Variants in TRPS1 observed in about 807,000 individuals in gnomAD.
TRPS1 encodes zinc finger transcription factor Trps1.
A neutral mutation model predicts 101.2 loss-of-function variants in TRPS1; 6 were observed. The observed-to-expected ratio is 0.06, with a 90% CI of 0.03 to 0.12. The LOEUF is 0.12. Among genes scored for constraint, TRPS1 ranks in the 10% least tolerant of loss-of-function variants. TRPS1 has a pLI of 1.00. For synonymous variants in TRPS1, 578 were observed against 589.8 expected, an observed-to-expected ratio of 0.98 and a Z score of 0.29; for missense variants, 1,363 against 1,567.0, an observed-to-expected ratio of 0.87 and a Z score of 2.20.
chr8:115,645,898 T>C (rs1819013690), intron 1 of TRPS1, among the ~76,000 whole-genome samples: 1 of 152,182 alleles, frequency 6.6e-6, no homozygotes, highest in Non-Finnish European at 1.5e-5. Context: ...ATTTAAGGCA[T>C]GTATTCTACC....
chr8:115,634,023 CA>C (rs111501236), intron 1 of TRPS1, among the ~76,000 whole-genome samples: 115 of 150,632 alleles, frequency 7.6e-4, no homozygotes, highest in African/African-American at 2.5e-3. Flanking sequence ...ACAACAACAA[CA>C]AAAAAAAAGG....
At chr8:115,454,472 C>T (rs1813964674) in intron 5 of TRPS1, among the ~76,000 whole-genome samples, 4 of 152,194 alleles carry the variant, frequency 2.6e-5, no homozygotes. Context: ...CTTTCATCAG[C>T]ATTCACACTA....
chr8:115,535,236 C>CATATATAGTAT, intron 5 of TRPS1, among the ~76,000 whole-genome samples: 1 of 118,554 alleles, frequency 8.4e-6, no homozygotes, highest in African/African-American at 3.4e-5. Flanking sequence ...ATATATATAG[C>CATATATAGTAT]ATATATAGCA....
intron 5 of TRPS1, among the ~76,000 whole-genome samples, chr8:115,582,693 A>G (rs1165781599): frequency 6.6e-6 from 1 of 152,188 alleles, no homozygotes; most frequent in Non-Finnish European, 1.5e-5. Flanking sequence ...CTCAACTTCC[A>G]GAACTTGGAA....
At position 115,587,478 on chromosome 8, in the gene TRPS1, C is replaced by T. The variant is rs199732237; in HGVS notation, c.2223G>A (p.Glu741=). The change falls in exon 5 of 7, where the codon GAG becomes GAA. Residue 741 remains glutamate (E), a synonymous_variant. Transcript: ENST00000395715. The part of the protein sequence containing the change: ...EQDITTANGE[E]DGHAISTIKE... ...TGATGGTGGATATGGCATGACCGTCCTCTTCGCCGTTGGCTGTAGTGATGT... is the reference window on the plus strand; with the variant it reads ...TGATGGTGGATATGGCATGACCGTCTTCTTCGCCGTTGGCTGTAGTGATGT... The T allele has an allele frequency of 9.3e-4, 1,505 of 1,614,024 alleles. No individual in the cohort carries two copies. Among genetic ancestry groups the T allele is most frequent in the Non-Finnish European group, 1.2e-3 (1,458 of 1,180,026 alleles).
chr8:115,532,244 AT>A (rs35571991), intron 5 of TRPS1, among the ~76,000 whole-genome samples: 89,302 of 149,396 alleles, frequency 0.6, 26,946 homozygotes, highest in East Asian at 0.83. Flanking sequence ...ATCAGAGCGC[AT>A]TTTTTTTTTT....
At chr8:115,493,498 C>T (rs1047807887) in intron 5 of TRPS1, among the ~76,000 whole-genome samples, 11 of 151,828 alleles carry the variant, frequency 7.2e-5, no homozygotes, top group African/African-American at 2.2e-4. Context: ...TACACATGTG[C>T]GCCATGACGC....
At chr8:115,657,707 A>T (rs1471005049) in intron 1 of TRPS1, among the ~76,000 whole-genome samples, 1 of 152,216 alleles carries the variant, frequency 6.6e-6, no homozygotes, top group East Asian at 1.9e-4. Context: ...ACTAAAATTG[A>T]CTTTTTTTAA....
intron 1 of TRPS1, among the ~76,000 whole-genome samples, chr8:115,646,119 C>G (rs1743221165): frequency 6.6e-6 from 1 of 152,116 alleles, no homozygotes; most frequent in Non-Finnish European, 1.5e-5. Flanking sequence ...AGATTAGAAA[C>G]AGAACAATCA....
At chr8:115,603,396 C>A (rs1484640144) in intron 4 of TRPS1, among the ~76,000 whole-genome samples, 2 of 152,022 alleles carry the variant, frequency 1.3e-5, no homozygotes, top group Non-Finnish European at 2.9e-5. Context: ...TGTTCAAAGC[C>A]AGAAGAATAT....
At position 115,463,212 on chromosome 8, in the gene TRPS1, C is replaced by T. The variant is rs376860769; in HGVS notation, c.2701-44760G>A. 3.3e-5 allele frequency among the ~76,000 whole-genome samples: 5 copies of T among 152,250 alleles called. No individual in the cohort carries two copies. The East Asian group carries it at 7.7e-4, about 24-fold the overall frequency. On this transcript the variant is annotated intron_variant, in intron 5 of 6. Transcript: ENST00000395715. The stretch of plus-strand genomic sequence containing the variant: ...AAGGTAGGGAATGAATCATGAATCA[C>T]GTCACAGAGCTTAGGTGGAAACTTA...
intron 5 of TRPS1, among the ~76,000 whole-genome samples, chr8:115,510,891 G>T (rs1815566940): frequency 6.6e-6 from 1 of 151,854 alleles, no homozygotes; most frequent in Non-Finnish European, 1.5e-5. Context: ...TCATTCAACT[G>T]AAGAAATAAA....
chr8:115,609,052 G>T (rs1307342982), intron 3 of TRPS1, among the ~76,000 whole-genome samples: 1 of 152,014 alleles, frequency 6.6e-6, no homozygotes, highest in African/African-American at 2.4e-5. Flanking sequence ...TTGCCATGTT[G>T]CCCAGACTGG....
intron 5 of TRPS1, among the ~76,000 whole-genome samples, chr8:115,448,128 C>G (rs917309051): frequency 2.6e-5 from 4 of 152,116 alleles, no homozygotes; most frequent in African/African-American, 9.7e-5. Flanking sequence ...ACAACAACAA[C>G]AACACTTGTG....
intron 5 of TRPS1, among the ~76,000 whole-genome samples, chr8:115,490,383 A>G (rs1324559996): frequency 1.3e-5 from 2 of 152,172 alleles, no homozygotes; most frequent in Admixed American, 1.3e-4. Flanking sequence ...TTCTTTGAAA[A>G]TTATAATCCA....
intron 5 of TRPS1, among the ~76,000 whole-genome samples, chr8:115,575,054 C>T (rs1325939096): frequency 6.6e-6 from 1 of 152,036 alleles, no homozygotes; most frequent in South Asian, 2.1e-4. Context: ...CTATGCTTGC[C>T]AATAAACTCT....
At chr8:115,564,996 G>A (rs573209825) in intron 5 of TRPS1, among the ~76,000 whole-genome samples, 2 of 152,150 alleles carry the variant, frequency 1.3e-5, no homozygotes, top group East Asian at 1.9e-4. Flanking sequence ...TAGGGGCTTC[G>A]AATAAACATG....
chr8:115,546,581 G>GACACACACACAC (rs71287285), intron 5 of TRPS1, among the ~76,000 whole-genome samples: 1,958 of 147,876 alleles, frequency 0.013, 20 homozygotes, highest in South Asian at 0.04. Flanking sequence ...TGTAAAATGT[G>GACACACACACAC]ACACACACAC....
chr8:115,527,684 T>G (rs908588500), intron 5 of TRPS1, among the ~76,000 whole-genome samples: 2 of 152,032 alleles, frequency 1.3e-5, no homozygotes, highest in African/African-American at 4.8e-5. Context: ...AAAATGGTCC[T>G]GAGAAGAAAA....
Sources: allele counts gnomAD v4.1 joint callset (sites outside exome capture counted in the v4.1 genomes callset), GRCh38; gene constraint gnomAD v4.1.1; transcripts MANE v1.5; gene names NCBI Gene and HGNC (gene_info 2026-07-23, HGNC 2026-07-21).